Variants in TCEANC observed in about 807,000 individuals in gnomAD.
TCEANC encodes transcription elongation factor A N-terminal and central domain-containing protein.
In TCEANC, 8 loss-of-function variants were observed where a neutral mutation model predicts 8.7. That is an observed-to-expected ratio of 0.92 (90% CI 0.54 to 1.65). TCEANC has a LOEUF of 1.65. Ranked by LOEUF, TCEANC falls within the 40% of genes most tolerant of loss-of-function variation. TCEANC has a pLI of 0.00. For missense variants in TCEANC, 255 were observed against 251.9 expected, an observed-to-expected ratio of 1.01 and a Z score of -0.08; for synonymous variants, 78 against 92.9, an observed-to-expected ratio of 0.84 and a Z score of 0.92.
upstream of TCEANC, chrX:13,653,339 C>T (rs1362249955): frequency 8.9e-6 from 1 of 112,715 alleles, no homozygotes; most frequent in Non-Finnish European, 1.9e-5. Context: ...CCCTTCCTCT[C>T]CGACTGTCGA....
intron 1 of TCEANC, among the ~76,000 whole-genome samples, chrX:13,659,977 T>A (rs938772107): frequency 8.9e-6 from 1 of 111,908 alleles, no homozygotes; most frequent in Non-Finnish European, 1.9e-5. Context: ...ACATTCTCGT[T>A]CCAGAGGGGA....
chrX:13,655,451 G>T (rs2045918195), intron 1 of TCEANC, 78 bp downstream of exon 2: 1 of 112,508 alleles, frequency 8.9e-6, no homozygotes, highest in Admixed American at 9.4e-5. Context: ...GTAATTTGTA[G>T]AGAAGGTTGT....
chrX:13,662,702 A>G (rs764384003), exon 2 of TCEANC: 1 of 1,211,906 alleles, frequency 8.3e-7, no homozygotes, highest in Admixed American at 2.2e-5. Context: ...GTGGCTTTGA[A>G]AAAGAAAGCC....
chrX:13,654,492 C>T (rs2045908635), upstream of TCEANC, among the ~76,000 whole-genome samples: 1 of 112,712 alleles, frequency 8.9e-6, no homozygotes, highest in Admixed American at 9.3e-5. Flanking sequence ...TGATCTTTAA[C>T]AGAAAAAGTG....
chrX:13,662,226 T>C (rs1230846884), intron 1 of TCEANC, among the ~76,000 whole-genome samples: 2 of 111,953 alleles, frequency 1.8e-5, no homozygotes, highest in Non-Finnish European at 3.8e-5. Context: ...GGAAAAGCTA[T>C]AGCAGATCCT....
rs2045943039 is a variant in TCEANC at position 13,658,686 on chromosome X, A to G, written c.-9+3313A>G. Among the ~76,000 whole-genome samples, 4 of 111,880 alleles carry G rather than the reference A, an allele frequency of 3.6e-5. No individual in the cohort carries two copies. The South Asian group carries it at 1.5e-3, about 41-fold the overall frequency. ...CTATATCACCTGTGGCTTTGCATTC[A>G]GATAAGTATTCATAATTGCCTCAGA... is the stretch of plus-strand genomic sequence containing the variant. On this transcript the variant is annotated intron_variant, in intron 1 of 1. Coordinates refer to ENST00000380600, the Ensembl canonical transcript of TCEANC.
At chrX:13,658,050 A>C (rs2045937868) in intron 1 of TCEANC, among the ~76,000 whole-genome samples, 1 of 112,307 alleles carries the variant, frequency 8.9e-6, no homozygotes, top group Non-Finnish European at 1.9e-5. Flanking sequence ...CAGATACAAA[A>C]GACCACATAC....
At chrX:13,656,321 A>G (rs1326853741) in intron 1 of TCEANC, among the ~76,000 whole-genome samples, 1 of 112,336 alleles carries the variant, frequency 8.9e-6, no homozygotes, top group Non-Finnish European at 1.9e-5. Context: ...TCCCTAATAT[A>G]TATTTATTGA....
chrX:13,653,674 C>A, upstream of TCEANC, among the ~76,000 whole-genome samples: 1 of 111,596 alleles, frequency 9.0e-6, no homozygotes. Flanking sequence ...TGGGTTAGGG[C>A]TAGAAAGTTA....
intron 1 of TCEANC, among the ~76,000 whole-genome samples, chrX:13,656,651 T>C (rs1186406640): frequency 8.9e-6 from 1 of 112,946 alleles, no homozygotes; most frequent in East Asian, 2.7e-4. Context: ...GGTATACCAG[T>C]GCTCACAGCA....
exon 2 of TCEANC, chrX:13,663,388 A>G: frequency 8.4e-7 from 1 of 1,192,462 alleles, no homozygotes; most frequent in South Asian, 1.9e-5. Context: ...ACAGACAAAT[A>G]AAATAAAATG....
At chrX:13,657,259 A>G (rs2045930075) in intron 1 of TCEANC, among the ~76,000 whole-genome samples, 1 of 112,147 alleles carries the variant, frequency 8.9e-6, no homozygotes, top group African/African-American at 3.2e-5. Context: ...GAGACCGCAT[A>G]TGTACGCATT....
upstream of TCEANC, among the ~76,000 whole-genome samples, chrX:13,653,983 C>A (rs1464143197): frequency 7.1e-5 from 8 of 112,013 alleles, no homozygotes; most frequent in Admixed American, 1.9e-4. Flanking sequence ...GTTCTAGAAC[C>A]GTGGCGTCCC....
At chrX:13,660,050 A>G (rs1043022282) in intron 1 of TCEANC, among the ~76,000 whole-genome samples, 5 of 112,241 alleles carry the variant, frequency 4.5e-5, no homozygotes, top group Admixed American at 9.4e-5. Context: ...TCTTAAGTGC[A>G]TATAGTTTAT....
exon 2 of TCEANC, chrX:13,664,531 G>C (rs970809736): frequency 1.6e-5 from 2 of 121,898 alleles, no homozygotes; most frequent in South Asian, 7.7e-4. Context: ...GTTGTTTTTT[G>C]TTTTTGTTTT....
upstream of TCEANC, among the ~76,000 whole-genome samples, chrX:13,654,248 T>A (rs1439469290): frequency 8.8e-6 from 1 of 113,159 alleles, no homozygotes; most frequent in African/African-American, 3.2e-5. Flanking sequence ...TAAATCATAT[T>A]TGTGGTTTAC....
chrX:13,662,960 T>C (rs749197025), exon 2 of TCEANC: 3 of 1,209,346 alleles, frequency 2.5e-6, no homozygotes, highest in Non-Finnish European at 3.4e-6. Context: ...GAAGAGCATT[T>C]TGGGGATGGT....
intron 1 of TCEANC, among the ~76,000 whole-genome samples, chrX:13,658,224 ATCT>A (rs1431259727): frequency 8.9e-6 from 1 of 112,097 alleles, no homozygotes; most frequent in African/African-American, 3.2e-5. Context: ...GCACAGATAA[ATCT>A]TCTAAAGTTG....
intron 1 of TCEANC, among the ~76,000 whole-genome samples, chrX:13,659,245 A>G (rs2045946972): frequency 1.8e-5 from 2 of 112,340 alleles, no homozygotes; most frequent in Admixed American, 9.5e-5. Flanking sequence ...CCTGCATTCT[A>G]TATGCATTAC....
Sources: allele counts gnomAD v4.1 joint callset (sites outside exome capture counted in the v4.1 genomes callset), GRCh38; gene constraint gnomAD v4.1.1; transcripts MANE v1.5; gene names NCBI Gene and HGNC (gene_info 2026-07-23, HGNC 2026-07-21).